EPB41L1: variants seen among roughly 807,000 people sequenced by gnomAD.
EPB41L1 encodes the protein band 4.1-like protein 1.
In EPB41L1, 29 loss-of-function variants were observed where a neutral mutation model predicts 97.8. The ratio of observed to expected loss-of-function variants is 0.30; its 90% CI spans 0.22 to 0.40. The LOEUF is 0.40. EPB41L1 is among the 10% of genes least tolerant of loss of function. The probability of loss-of-function intolerance (pLI) is 1.00; values close to 1 mark genes in which losing one functional copy is unlikely to be tolerated. For missense variants in EPB41L1, 812 were observed against 1,162.3 expected (o/e 0.70, Z 4.38); for synonymous variants, 383 against 459.2 (o/e 0.83, Z 2.12).
chr20:36,207,195 T>C lies in EPB41L1; in HGVS notation c.1669-2293T>C. The stretch of plus-strand genomic sequence containing the variant: ...CTTCGGAGCTCAGGGAGCCCTTTCT[T>C]AGACATGTCCATCTTTCGAAAGCCA... On this transcript the variant is annotated intron_variant, in intron 14 of 21. Coordinates refer to ENST00000338074, the MANE Select transcript of EPB41L1 (RefSeq NM_012156.2). This position sits in a 1 kb window ranked among gnomAD's most constrained non-coding sequence, Gnocchi z 4.9. The C allele has an allele frequency of 1.6e-6, 2 of 1,287,078 alleles. No homozygotes were observed. Among genetic ancestry groups the C allele is most frequent in the South Asian group, 1.2e-5 (1 of 80,880 alleles). The allele number at this position is 1,287,078 out of a possible 1,614,324, so 79.7% of individuals were successfully genotyped here.
chr20:36,097,594 A>G (rs1165444744), intron 1 of EPB41L1, among the ~76,000 whole-genome samples: 1 of 152,180 alleles, frequency 6.6e-6, no homozygotes, highest in Non-Finnish European at 1.5e-5. Context: ...TGGGGGTGGG[A>G]GCAGACATGT....
intron 11 of EPB41L1, 25 bp from the exon 12 acceptor site, chr20:36,194,187 G>C: frequency 1.2e-6 from 2 of 1,612,678 alleles, no homozygotes; most frequent in Non-Finnish European, 1.7e-6. Flanking sequence ...TCACATGGTT[G>C]CCTGGCTATC....
intron 2 of EPB41L1, among the ~76,000 whole-genome samples, chr20:36,140,721 T>C (rs2059605380): frequency 6.6e-6 from 1 of 152,126 alleles, no homozygotes; most frequent in Non-Finnish European, 1.5e-5. Flanking sequence ...AAGAAATGAA[T>C]AGTGCAAGAG....
rs753110551 is a variant in EPB41L1 at position 36,209,569 on chromosome 20, G to A, written c.1750G>A (p.Asp584Asn). The A allele has an allele frequency of 1.2e-6, 2 of 1,614,132 alleles. No homozygotes were observed. The highest frequency in any genetic ancestry group is 1.1e-5 in the South Asian group (1 of 91,084). Residue 584 changes from aspartate (D) to asparagine (N), a missense_variant, in exon 15 of 22, where the codon GAC becomes AAC. Asp to Asn is a conservative substitution (Grantham distance 23, BLOSUM62 1). Around this residue, in one of 3 missense-constraint regions of EPB41L1, gnomAD observed 498 missense variants for 622.7 expected, o/e 0.80. Coordinates refer to ENST00000338074, the MANE Select transcript of EPB41L1 (RefSeq NM_012156.2). This position sits in a 1 kb window ranked among gnomAD's most constrained non-coding sequence, Gnocchi z 4.2. ...CCCAGAGAGTGACACAGGCGATGAG[G>A]ACCAGGACCAGGAGAGGGACACGGT... ...RAPESDTGDE[D>N]QDQERDTVFL...
chr20:36,095,898 C>T (rs956404760), intron 1 of EPB41L1, among the ~76,000 whole-genome samples: 1 of 152,016 alleles, frequency 6.6e-6, no homozygotes, highest in Admixed American at 6.6e-5. Context: ...TGGTGGCACG[C>T]GCCTGTAATC....
intron 14 of EPB41L1, among the ~76,000 whole-genome samples, chr20:36,202,102 G>T (rs1284037094): frequency 6.6e-6 from 1 of 152,122 alleles, no homozygotes; most frequent in Non-Finnish European, 1.5e-5. Flanking sequence ...GCATACCAAG[G>T]ACAGGGCTAG....
At chr20:36,184,762 C>T (rs2061612654) in intron 6 of EPB41L1, among the ~76,000 whole-genome samples, 1 of 152,152 alleles carries the variant, frequency 6.6e-6, no homozygotes, top group Non-Finnish European at 1.5e-5. Flanking sequence ...TGAATTTTTC[C>T]ACAACATGAA....
At chr20:36,102,037 A>AAAACAAAACAAAAC (rs775769530) in intron 1 of EPB41L1, among the ~76,000 whole-genome samples, 28 of 147,612 alleles carry the variant, frequency 1.9e-4, no homozygotes, top group African/African-American at 6.8e-4. Context: ...AAAACAAAAC[A>AAAACAAAACAAAAC]AAAAAAACAA....
At chr20:36,118,739 T>C (rs1044315241) in intron 2 of EPB41L1, among the ~76,000 whole-genome samples, 1 of 152,240 alleles carries the variant, frequency 6.6e-6, no homozygotes, top group African/African-American at 2.4e-5. Context: ...TTAATAGATA[T>C]TTGTTGAATG....
At position 36,207,226 on chromosome 20, in the gene EPB41L1, G is replaced by C; in HGVS notation, c.1669-2262G>C. 1 of 1,282,470 alleles carries C rather than the reference G, an allele frequency of 7.8e-7. No homozygotes were observed. The highest frequency in any genetic ancestry group is 1.5e-5 in the African/African-American group (1 of 65,712). 79.4% of individuals were successfully genotyped at this position (1,282,470 alleles called of 1,614,324 possible). ...TGTCCATCTTTCGAAAGCCAGCCCA[G>C]AGCCCAAGGACCAAGTAGGGTTTGT... On this transcript the variant is annotated intron_variant, in intron 14 of 21. Transcript: ENST00000338074. The surrounding 1 kb of genome is among the most constrained non-coding windows in gnomAD (Gnocchi z 4.9).
rs917982819 is a variant in EPB41L1 at position 36,093,262 on chromosome 20, C to A, written c.-65+1650C>A. Among the ~76,000 whole-genome samples the A allele has an allele frequency of 6.6e-6, 1 of 151,896 alleles. No homozygotes were observed. Among genetic ancestry groups the A allele is most frequent in the Non-Finnish European group, 1.5e-5 (1 of 67,964 alleles). On this transcript the variant is annotated intron_variant, in intron 1 of 19. Coordinates refer to the EPB41L1 transcript ENST00000202028. This position sits in a 1 kb window ranked among gnomAD's most constrained non-coding sequence, Gnocchi z 5.4. ...GTCCGAATGTGTAGCAGTGTGTACACCTCTGGGTGAGGGCGTGTGCCAGTG... is the reference window on the plus strand; with the variant it reads ...GTCCGAATGTGTAGCAGTGTGTACAACTCTGGGTGAGGGCGTGTGCCAGTG...
chr20:36,094,704 A>T, intron 1 of EPB41L1, among the ~76,000 whole-genome samples: 1 of 152,060 alleles, frequency 6.6e-6, no homozygotes, highest in Non-Finnish European at 1.5e-5. Flanking sequence ...TCCCTGCCAA[A>T]AGCAGCAGAG....
intron 1 of EPB41L1, among the ~76,000 whole-genome samples, chr20:36,095,494 G>T (rs1396634670): frequency 2.0e-5 from 3 of 152,210 alleles, no homozygotes; most frequent in African/African-American, 7.2e-5. Flanking sequence ...ATGTGAAAGG[G>T]TCTAAACTCC....
chr20:36,216,712 C>T (rs988631674), intron 17 of EPB41L1, among the ~76,000 whole-genome samples: 18 of 152,246 alleles, frequency 1.2e-4, no homozygotes, highest in African/African-American at 3.4e-4. Flanking sequence ...GGGAACATCC[C>T]GGGGCTCTAG....
chr20:36,209,501 GGGAGGGCTCCGA>G lies in EPB41L1; in HGVS notation c.1687_1698del (p.Gly563_Glu566del). ...ATCTGGCCATAGAGAGCAGGGCTGA[GGGAGGGCTCCGA>G]GGAGAAAGTCAAACCACCACGTCCC... On this transcript the variant is annotated inframe_deletion, in exon 15 of 22. Coordinates refer to ENST00000338074, the MANE Select transcript of EPB41L1 (RefSeq NM_012156.2). The surrounding 1 kb of genome is among the most constrained non-coding windows in gnomAD (Gnocchi z 4.2). The G allele has an allele frequency of 6.2e-7, 1 of 1,613,970 alleles. No individual in the cohort carries two copies. The highest frequency in any genetic ancestry group is 8.5e-7 in the Non-Finnish European group (1 of 1,179,976).
At chr20:36,148,724 C>G (rs1169986058) in intron 2 of EPB41L1, 1 of 152,340 alleles carries the variant, frequency 6.6e-6, no homozygotes, top group Non-Finnish European at 1.5e-5. Flanking sequence ...TCTGTGAGAG[C>G]CTCTGGGATG....
In EPB41L1 at chr20:36,098,491, GCCAGCAATCTT is replaced by G. The variant is rs2057906471; in HGVS notation, c.-65+6880_-65+6890del. On this transcript the variant is annotated intron_variant, in intron 1 of 19. Coordinates refer to the EPB41L1 transcript ENST00000202028. Reference sequence around the variant, plus strand: ...GCCTTTCTCCTAGCTTCTGGTGGTTGCCAGCAATCTTTGGCATTTCTTGGCTTGCAGCTGCA... The same window carrying G: ...GCCTTTCTCCTAGCTTCTGGTGGTTGTGGCATTTCTTGGCTTGCAGCTGCA... Among the ~76,000 whole-genome samples the G allele has an allele frequency of 7.2e-5, 11 of 152,278 alleles. No homozygotes were observed. The South Asian group carries it at 2.3e-3, about 32-fold the overall frequency.
chr20:36,212,513 T>A lies in EPB41L1; in HGVS notation c.2184+137T>A. 1 of 735,104 alleles carries A rather than the reference T, an allele frequency of 1.4e-6. No homozygotes were observed. Among genetic ancestry groups the A allele is most frequent in the Non-Finnish European group, 2.3e-6 (1 of 427,934 alleles). 45.5% of individuals were successfully genotyped at this position (735,104 alleles called of 1,614,324 possible). ...GGAACCCATATGTTAATCCTGATGC[T>A]CTCCTGTGCCTCAGTGTCCTCTCTG... is the stretch of plus-strand genomic sequence containing the variant. On this transcript the variant is annotated intron_variant, in intron 16 of 21. Coordinates refer to ENST00000338074, the MANE Select transcript of EPB41L1 (RefSeq NM_012156.2). This position sits in a 1 kb window ranked among gnomAD's most constrained non-coding sequence, Gnocchi z 4.8.
intron 12 of EPB41L1, 114 bp downstream of exon 12, chr20:36,194,474 T>G: frequency 7.4e-7 from 1 of 1,347,418 alleles, no homozygotes; most frequent in Non-Finnish European, 1.0e-6. Context: ...ACCCTTACTA[T>G]GGAGTGCACC....
Sources: gnomAD v4.1 joint callset for allele counts (sites outside exome capture counted in the v4.1 genomes callset) on GRCh38, gnomAD v4.1.1 for gene constraint, gnomAD v4.1.1 regional missense constraint, Gnocchi (gnomAD v3.1) non-coding constraint, MANE v1.5 for transcripts, NCBI Gene and HGNC (gene_info 2026-07-23, HGNC 2026-07-21) for gene names.